Variants in GAL3ST2 observed in about 807,000 individuals in gnomAD.
GAL3ST2 encodes the protein beta-galactose-3-O-sulfotransferase 2.
Under a neutral mutation model 12.9 loss-of-function variants are expected in GAL3ST2, and 16 were observed. The ratio of observed to expected loss-of-function variants is 1.24; its 90% CI spans 0.84 to 1.88. The LOEUF is 1.88. Ranked by LOEUF, GAL3ST2 falls within the 40% of genes most tolerant of loss-of-function variation. The pLI is 0.00. For missense variants in GAL3ST2, 639 were observed against 571.8 expected (o/e 1.12, Z -1.20); for synonymous variants, 302 against 273.9 (o/e 1.10, Z -1.01).
rs370045209 is a variant in GAL3ST2, at chr2:241,803,554, C to G, written c.585C>G (p.Phe195Leu). The change falls in exon 4 of 4, where the codon TTC (phenylalanine) becomes TTG (leucine). Residue 195 changes from phenylalanine to leucine, a missense_variant. Physicochemically the swap from Phe to Leu is conservative, Grantham distance 22. Coordinates refer to ENST00000192314, the MANE Select transcript of GAL3ST2 (RefSeq NM_022134.3). ...TCTACGCCAAGAACAACATGTGGTT[C>G]GACTTCGGCTTCGACCCCAACGCGC... ...RNVYAKNNMW[F>L]DFGFDPNAQC... 16 of 1,606,220 alleles carry G rather than the reference C, an allele frequency of 1.0e-5. No individual in the cohort carries two copies. Among genetic ancestry groups the G allele is most frequent in the African/African-American group, 1.3e-5 (1 of 74,834 alleles).
rs1278773967 is a variant in GAL3ST2 at position 241,793,620 on chromosome 2, GTACA to G, written c.30-5442_30-5439del. Among the ~76,000 whole-genome samples, 1 of 116,624 alleles carries G rather than the reference GTACA, an allele frequency of 8.6e-6. No homozygotes were observed. Among genetic ancestry groups the G allele is most frequent in the East Asian group, 2.0e-4 (1 of 4,982 alleles). 76.5% of individuals were successfully genotyped at this position (116,624 alleles called of 152,430 possible). On this transcript the variant is annotated intron_variant, in intron 1 of 3. Transcript: ENST00000192314. This position sits in a 1 kb window ranked among gnomAD's most constrained non-coding sequence, Gnocchi z 4.7. The stretch of plus-strand genomic sequence containing the variant: ...GTGTATATGTGTGTGTATTGTGTGT[GTACA>G]TATTGTGTTTGTGTGTACATATTGT...
chr2:241,784,912 T>C (rs1699610647), intron 1 of GAL3ST2, among the ~76,000 whole-genome samples: 1 of 152,212 alleles, frequency 6.6e-6, no homozygotes, highest in South Asian at 2.1e-4. Flanking sequence ...ACAAGTCTGG[T>C]GTGCTAGAGG....
At position 241,793,567 on chromosome 2, in the gene GAL3ST2, GTGTGCGTATA is replaced by G. The variant is rs1699729010; in HGVS notation, c.30-5493_30-5484del. On this transcript the variant is annotated intron_variant, in intron 1 of 3. Transcript: ENST00000192314. This position sits in a 1 kb window ranked among gnomAD's most constrained non-coding sequence, Gnocchi z 4.7. The stretch of plus-strand genomic sequence containing the variant: ...TGTGTATATGTATGTATGTGTATAT[GTGTGCGTATA>G]TGTGTATGTATGTATATGTGTATAT... Among the ~76,000 whole-genome samples, 1 of 150,394 alleles carries G rather than the reference GTGTGCGTATA, an allele frequency of 6.6e-6. No individual in the cohort carries two copies. The highest frequency in any genetic ancestry group is 2.5e-5 in the African/African-American group (1 of 40,426).
At chr2:241,780,561 C>T (rs924627437) in intron 1 of GAL3ST2, among the ~76,000 whole-genome samples, 1 of 152,174 alleles carries the variant, frequency 6.6e-6, no homozygotes, top group Non-Finnish European at 1.5e-5. Flanking sequence ...TCTTTTCTCT[C>T]TCCAGTTTCC....
chr2:241,792,768 A>C (rs1699709645), intron 1 of GAL3ST2, among the ~76,000 whole-genome samples: 2 of 152,286 alleles, frequency 1.3e-5, no homozygotes, highest in African/African-American at 2.4e-5. Flanking sequence ...AAAGGAAAAG[A>C]TCTTGAGCCC....
intron 1 of GAL3ST2, among the ~76,000 whole-genome samples, chr2:241,792,846 G>A (rs1193679631): frequency 6.6e-6 from 1 of 152,166 alleles, no homozygotes; most frequent in Non-Finnish European, 1.5e-5. Flanking sequence ...GCCCCCCATT[G>A]TATTCAAAGT....
At chr2:241,791,470 T>C (rs1048686710) in intron 1 of GAL3ST2, among the ~76,000 whole-genome samples, 1 of 152,204 alleles carries the variant, frequency 6.6e-6, no homozygotes, top group East Asian at 1.9e-4. Flanking sequence ...ACTGGCCTCA[T>C]ACCTTTGTCT....
At chr2:241,779,295 G>GCGATCT (rs201156386) in intron 1 of GAL3ST2, among the ~76,000 whole-genome samples, 2,849 of 134,254 alleles carry the variant, frequency 0.021, 165 homozygotes, top group Admixed American at 0.12. Flanking sequence ...GTGCAGTGGA[G>GCGATCT]CGATCTCGGC....
chr2:241,795,430 CATAAAAGTGCAGAGGGGCT>C lies in GAL3ST2; in HGVS notation c.30-3620_30-3602del, dbSNP rs1190962018. On this transcript the variant is annotated intron_variant, in intron 1 of 3. Transcript: ENST00000192314. The surrounding 1 kb of genome is among the most constrained non-coding windows in gnomAD (Gnocchi z 4.5). Reference sequence around the variant, plus strand: ...TCTCAAACAGATGGCCAGTGCGTCCCATAAAAGTGCAGAGGGGCTATAAAAGTGCAGAGTGAGGGGCCAT... The same window carrying C: ...TCTCAAACAGATGGCCAGTGCGTCCCATAAAAGTGCAGAGTGAGGGGCCAT... 8.5e-5 allele frequency among the ~76,000 whole-genome samples: 13 copies of C among 152,274 alleles called. No individual in the cohort carries two copies. Among genetic ancestry groups the C allele is most frequent in the South Asian group, 4.1e-4 (2 of 4,824 alleles).
At position 241,802,160 on chromosome 2, in the gene GAL3ST2, CG is replaced by C; in HGVS notation, c.375+127del. 4 of 577,970 alleles carry C rather than the reference CG, an allele frequency of 6.9e-6. No homozygotes were observed. Among genetic ancestry groups the C allele is most frequent in the Non-Finnish European group, 1.1e-5 (4 of 363,384 alleles). The allele number at this position is 577,970 out of a possible 1,614,324, so 35.8% of individuals were successfully genotyped here. ...GCTTGGGGGCGGGGCGTGCAGAAGG[CG>C]GGTTGGGAGGGCCTGGGCCGCACGC... On this transcript the variant is annotated intron_variant, in intron 3 of 3. Transcript: ENST00000192314. This position sits in a 1 kb window ranked among gnomAD's most constrained non-coding sequence, Gnocchi z 4.8.
intron 1 of GAL3ST2, among the ~76,000 whole-genome samples, chr2:241,777,247 T>G (rs1699499768): frequency 6.6e-6 from 1 of 152,186 alleles, no homozygotes; most frequent in Non-Finnish European, 1.5e-5. Flanking sequence ...CCCCCAACAC[T>G]GTGGCGTGGA....
rs1226471572 is a variant in GAL3ST2 at position 241,804,027 on chromosome 2, A to G, written c.1058A>G (p.Asn353Ser). ...QSGKADILGY[N>S]LRPGLDNQTL... ...GGCAAGGCCGACATCCTGGGTTACA[A>G]CCTCCGGCCGGGCCTGGACAACCAG... Residue 353 changes from asparagine (N) to serine (S), a missense_variant, in exon 4 of 4, where the codon AAC becomes AGC. Physicochemically the swap from Asn to Ser is conservative, Grantham distance 46. Coordinates refer to ENST00000192314, the MANE Select transcript of GAL3ST2 (RefSeq NM_022134.3). The G allele has an allele frequency of 1.3e-6, 2 of 1,563,900 alleles. No individual in the cohort carries two copies. The highest frequency in any genetic ancestry group is 2.5e-5 in the East Asian group (1 of 40,324).
chr2:241,780,118 C>T (rs139019143), intron 1 of GAL3ST2, among the ~76,000 whole-genome samples: 1 of 152,240 alleles, frequency 6.6e-6, no homozygotes, highest in East Asian at 1.9e-4. Context: ...ATTTTGAAGA[C>T]TTGTAGCCAA....
rs1427596228 is a variant in GAL3ST2, at chr2:241,804,150, C to G, written c.1181C>G (p.Pro394Arg). ...CCGGAGAAGCCCCTCAAGAACATCC[C>G]GTTCCTGGGGGCGTAGAGGGGCCGG... Reference protein sequence around the residue: ...QFPEKPLKNIPFLGA With the variant: ...QFPEKPLKNIRFLGA Residue 394 changes from proline to arginine, a missense_variant, in exon 4 of 4, where the codon CCG becomes CGG. By Grantham distance (103) the Pro-to-Arg change is moderately radical. Coordinates refer to ENST00000192314, the MANE Select transcript of GAL3ST2 (RefSeq NM_022134.3). 6.2e-6 allele frequency: 9 copies of G among 1,452,316 alleles called. No individual in the cohort carries two copies. The highest frequency in any genetic ancestry group is 1.8e-6 in the Non-Finnish European group (2 of 1,095,958). 90.0% of individuals were successfully genotyped at this position (1,452,316 alleles called of 1,614,324 possible). A position where few individuals can be genotyped will look rare whatever the true frequency, so the allele number is the denominator to read the frequency against.
intron 1 of GAL3ST2, among the ~76,000 whole-genome samples, chr2:241,778,288 A>G (rs1033929226): frequency 6.6e-6 from 1 of 152,218 alleles, no homozygotes; most frequent in African/African-American, 2.4e-5. Flanking sequence ...AGGGGACGGT[A>G]GTGTGTGGTG....
chr2:241,777,445 G>T (rs1266420774), intron 1 of GAL3ST2, among the ~76,000 whole-genome samples: 8 of 152,146 alleles, frequency 5.3e-5, no homozygotes. Flanking sequence ...CGGGGAGGCT[G>T]GGCTCTGCTG....
intron 1 of GAL3ST2, among the ~76,000 whole-genome samples, chr2:241,781,427 T>TA (rs1253304976): frequency 1.3e-5 from 2 of 152,044 alleles, no homozygotes; most frequent in Non-Finnish European, 2.9e-5. Context: ...GAACACCTGT[T>TA]AGAGTTCTAT....
intron 1 of GAL3ST2, among the ~76,000 whole-genome samples, chr2:241,778,537 G>A (rs1244664750): frequency 2.0e-5 from 3 of 152,222 alleles, no homozygotes; most frequent in African/African-American, 4.8e-5. Context: ...CTTTGGGGAG[G>A]AGGGGACTCA....
Position 241,801,814 on chromosome 2 carries a change from CA to C in GAL3ST2, c.154del (p.Thr52ProfsTer6). 6.2e-7 allele frequency: 1 copy of C among 1,612,846 alleles called. No homozygotes were observed. The highest frequency in any genetic ancestry group is 1.1e-5 in the South Asian group (1 of 91,088). On this transcript the variant is annotated frameshift_variant, in exon 3 of 4. Transcript: ENST00000192314. LOFTEE classifies it high-confidence loss of function. This position sits in a 1 kb window ranked among gnomAD's most constrained non-coding sequence, Gnocchi z 4.4. ...FGGQAEGPPV[T>X]NIMFLKTHKT... ...GGGGCCAGGCTGAGGGGCCGCCGGT[CA>C]CCAACATCATGTTCCTGAAGACGCA... is the stretch of plus-strand genomic sequence containing the variant.
Sources: allele counts gnomAD v4.1 joint callset (sites outside exome capture counted in the v4.1 genomes callset), GRCh38; gene constraint gnomAD v4.1.1; non-coding constraint Gnocchi (gnomAD v3.1); transcripts MANE v1.5; gene names NCBI Gene and HGNC (gene_info 2026-07-23, HGNC 2026-07-21).